Variants in NPFFR2 observed in about 807,000 individuals in gnomAD.
NPFFR2 encodes the protein neuropeptide FF receptor 2, also known as G-protein coupled receptor 74.
A neutral mutation model predicts 13.1 loss-of-function variants in NPFFR2; 15 were observed. The ratio of observed to expected loss-of-function variants is 1.15; its 90% CI spans 0.77 to 1.76. The LOEUF (loss-of-function observed/expected upper bound fraction) is 1.76, where lower values mean the gene tolerates loss of function less well. Ranked by LOEUF, NPFFR2 falls within the 40% of genes most tolerant of loss-of-function variation. The pLI, the probability that NPFFR2 is intolerant of heterozygous loss-of-function variation, is 0.00. For missense variants in NPFFR2, 572 were observed against 503.5 expected, an observed-to-expected ratio of 1.14 and a Z score of -1.30; for synonymous variants, 190 against 175.7, an observed-to-expected ratio of 1.08 and a Z score of -0.65.
chr4:72,073,397 G>T (rs544430905), intron 1 of NPFFR2, among the ~76,000 whole-genome samples: 10 of 152,040 alleles, frequency 6.6e-5, no homozygotes, highest in Admixed American at 2.0e-4. Flanking sequence ...CTTACCACTA[G>T]AACTGCCCTG....
intron 3 of NPFFR2, among the ~76,000 whole-genome samples, chr4:72,138,831 C>T (rs1035886114): frequency 6.6e-6 from 1 of 152,022 alleles, no homozygotes; most frequent in African/African-American, 2.4e-5. Context: ...CTTGAGGAAT[C>T]GTCACACTGT....
intron 3 of NPFFR2, 143 bp from the exon 4 acceptor site, chr4:72,146,835 G>A: frequency 3.2e-6 from 2 of 627,964 alleles, no homozygotes; most frequent in Non-Finnish European, 5.6e-6. Flanking sequence ...GACAATGCAT[G>A]CCTTTCTACT....
intron 1 of NPFFR2, among the ~76,000 whole-genome samples, chr4:72,108,823 A>G (rs1214787924): frequency 6.6e-6 from 1 of 151,940 alleles, no homozygotes; most frequent in Non-Finnish European, 1.5e-5. Flanking sequence ...TTTGATGGAG[A>G]CACTTAATTG....
intron 1 of NPFFR2, among the ~76,000 whole-genome samples, chr4:72,116,376 G>A (rs1399464408): frequency 6.6e-6 from 1 of 151,676 alleles, no homozygotes; most frequent in Non-Finnish European, 1.5e-5. Context: ...GACTACACAT[G>A]GATATAAAGA....
chr4:72,134,637 A>G (rs1445985692), intron 2 of NPFFR2, among the ~76,000 whole-genome samples: 1 of 152,170 alleles, frequency 6.6e-6, no homozygotes, highest in Non-Finnish European at 1.5e-5. Flanking sequence ...TAGATTTATT[A>G]AGGGTATATT....
intron 1 of NPFFR2, among the ~76,000 whole-genome samples, chr4:72,067,083 G>A (rs769026913): frequency 6.6e-6 from 1 of 152,048 alleles, no homozygotes; most frequent in Non-Finnish European, 1.5e-5. Flanking sequence ...TCTCTGAGGG[G>A]CGTCCTTTGA....
chr4:72,075,796 T>C (rs1720409254), intron 1 of NPFFR2, among the ~76,000 whole-genome samples: 1 of 152,076 alleles, frequency 6.6e-6, no homozygotes, highest in Non-Finnish European at 1.5e-5. Context: ...AATTGTTTAA[T>C]GAATATAGAA....
At chr4:72,050,297 C>T (rs1465696985) in intron 1 of NPFFR2, among the ~76,000 whole-genome samples, 1 of 151,964 alleles carries the variant, frequency 6.6e-6, no homozygotes, top group Non-Finnish European at 1.5e-5. Flanking sequence ...TAAACCCAAA[C>T]TAATATTTTA....
rs531869869 is a variant in NPFFR2, at chr4:72,089,021, ATTC to A, written c.-7-39561_-7-39559del. Among the ~76,000 whole-genome samples the A allele has an allele frequency of 2.4e-3, 360 of 152,004 alleles. 3 individuals carry two copies. Among genetic ancestry groups the A allele is most frequent in the Admixed American group, 2.8e-3 (43 of 15,236 alleles). The stretch of plus-strand genomic sequence containing the variant: ...CTGAGTCCTCAAAATCCATTGTATC[ATTC>A]TTATGCCGTTATGTCCTCATAGCTT... On this transcript the variant is annotated intron_variant, in intron 1 of 3. Transcript: ENST00000308744.
chr4:72,053,511 C>A (rs1197004655), intron 1 of NPFFR2, among the ~76,000 whole-genome samples: 1 of 151,816 alleles, frequency 6.6e-6, no homozygotes, highest in Non-Finnish European at 1.5e-5. Context: ...TTTTATACAT[C>A]TTTTCTTAAA....
At chr4:72,039,313 C>T (rs12505360) in intron 1 of NPFFR2, 160,224 of 533,972 alleles carry the variant, frequency 0.3, 24,743 homozygotes, top group East Asian at 0.67. Context: ...CCACCTCGGC[C>T]TCCCAAAGTG....
chr4:72,033,089 G>A (rs979440992), intron 1 of NPFFR2, among the ~76,000 whole-genome samples: 13 of 151,962 alleles, frequency 8.6e-5, no homozygotes, highest in Non-Finnish European at 1.6e-4. Flanking sequence ...TTTCAAGTGG[G>A]AACTACTAAT....
chr4:72,141,621 G>C (rs1003265066), intron 3 of NPFFR2, among the ~76,000 whole-genome samples: 1 of 152,186 alleles, frequency 6.6e-6, no homozygotes, highest in Non-Finnish European at 1.5e-5. Flanking sequence ...TGTGGTCTGA[G>C]TGACAGTTTG....
chr4:72,141,835 ATCTG>A (rs1294433291), intron 3 of NPFFR2, among the ~76,000 whole-genome samples: 1 of 152,140 alleles, frequency 6.6e-6, no homozygotes, highest in Non-Finnish European at 1.5e-5. Context: ...TGTCTCATTG[ATCTG>A]TCTAATATTG....
intron 1 of NPFFR2, among the ~76,000 whole-genome samples, chr4:72,083,180 G>C (rs967537539): frequency 1.3e-5 from 2 of 152,070 alleles, no homozygotes; most frequent in African/African-American, 4.8e-5. Context: ...TCGAGATACT[G>C]ATTTAATTTC....
At chr4:72,085,215 TTC>T (rs1282128675) in intron 1 of NPFFR2, among the ~76,000 whole-genome samples, 1 of 152,128 alleles carries the variant, frequency 6.6e-6, no homozygotes, top group East Asian at 1.9e-4. Context: ...TGGTAGCTAT[TTC>T]AACTGACATG....
intron 1 of NPFFR2, among the ~76,000 whole-genome samples, chr4:72,095,299 C>A (rs116096905): frequency 0.01 from 1,577 of 152,202 alleles, 18 homozygotes; most frequent in Non-Finnish European, 0.014. Flanking sequence ...CATCTTGTCC[C>A]AGCTCTGTAC....
intron 1 of NPFFR2, chr4:72,069,169 A>T: frequency 2.5e-6 from 1 of 396,542 alleles, no homozygotes; most frequent in Non-Finnish European, 4.7e-6. Context: ...TTAACTAGAG[A>T]AATATCATTT....
intron 1 of NPFFR2, among the ~76,000 whole-genome samples, chr4:72,087,850 A>G (rs1054847211): frequency 2.6e-5 from 4 of 152,050 alleles, no homozygotes; most frequent in Non-Finnish European, 5.9e-5. Context: ...GGTAGCAATG[A>G]CAGAAGAACT....
Sources: allele counts gnomAD v4.1 joint callset (sites outside exome capture counted in the v4.1 genomes callset), GRCh38; gene constraint gnomAD v4.1.1; transcripts MANE v1.5; gene names NCBI Gene and HGNC (gene_info 2026-07-23, HGNC 2026-07-21).